Variants in ITGAM observed in about 807,000 individuals in gnomAD.
The protein encoded by ITGAM is integrin subunit alpha M.
In ITGAM, 79 loss-of-function variants were observed where a neutral mutation model predicts 137.5. That is an observed-to-expected ratio of 0.57 (90% CI 0.48 to 0.69). The LOEUF is 0.69. Among genes scored for constraint, ITGAM ranks in the 30% least tolerant of loss-of-function variants. The probability of loss-of-function intolerance (pLI) is 0.00; values close to 1 mark genes in which losing one functional copy is unlikely to be tolerated. For synonymous variants in ITGAM, 583 were observed against 592.3 expected (o/e 0.98, Z 0.23); for missense variants, 1,343 against 1,483.5 (o/e 0.91, Z 1.56).
chr16:31,260,277 C>A (rs1456460817), intron 1 of ITGAM, among the ~76,000 whole-genome samples, 185 bp downstream of exon 1: 1 of 152,118 alleles, frequency 6.6e-6, no homozygotes, highest in Non-Finnish European at 1.5e-5. Flanking sequence ...GCCAGGGAAG[C>A]CTGGATGAAT....
At chr16:31,262,866 A>G (rs1359132581) in intron 2 of ITGAM, among the ~76,000 whole-genome samples, 1 of 152,216 alleles carries the variant, frequency 6.6e-6, no homozygotes, top group African/African-American at 2.4e-5. Context: ...TTTATCTCCC[A>G]TAATACAGCC....
At chr16:31,261,206 T>C (rs2079695623) in intron 1 of ITGAM, among the ~76,000 whole-genome samples, 1 of 135,612 alleles carries the variant, frequency 7.4e-6, no homozygotes, top group Non-Finnish European at 1.5e-5. Flanking sequence ...ATCTTTTTTT[T>C]TTTTTTTTTT....
In ITGAM at chr16:31,329,884, C is replaced by G. The variant is rs962977622; in HGVS notation, c.2955C>G (p.Arg985=). ...VRLNQTVIWD[R]PQVTFSENLS... is the part of the protein sequence containing the mutation. ...TGAACCAGACTGTCATATGGGACCG[C>G]CCCCAGGTCACCTTCTCCGAGGTGA... Residue 985 remains arginine (R), a synonymous_variant, in exon 25 of 30, where the codon CGC becomes CGG. Coordinates refer to ENST00000544665, the MANE Select transcript of ITGAM (RefSeq NM_000632.4). The G allele has an allele frequency of 2.6e-6, 4 of 1,562,150 alleles. No individual in the cohort carries two copies. In the African/African-American group the frequency reaches 4.1e-5, roughly 16 times the overall value.
chr16:31,318,072 T>C (rs1350468159), intron 14 of ITGAM, among the ~76,000 whole-genome samples: 1 of 152,200 alleles, frequency 6.6e-6, no homozygotes, highest in Non-Finnish European at 1.5e-5. Flanking sequence ...AGGAGGTCTT[T>C]GATTACTGAT....
In ITGAM at chr16:31,330,358, T is replaced by G. The variant is rs189187788; in HGVS notation, c.3111T>G (p.Phe1037Leu). 6.2e-7 allele frequency: 1 copy of G among 1,614,062 alleles called. No homozygotes were observed. Among genetic ancestry groups the G allele is most frequent in the East Asian group, 2.2e-5 (1 of 44,890 alleles). ...CQRIQCDIPF[F>L]GIQEEFNATL... ...GAATCCAGTGTGACATCCCGTTCTT[T>G]GGCATCCAGGAAGAATTCAATGCTA... is the stretch of plus-strand genomic sequence containing the variant. Residue 1037 changes from phenylalanine (F) to leucine (L), a missense_variant, in exon 27 of 30, where the codon TTT (phenylalanine) becomes TTG (leucine). Physicochemically the swap from Phe to Leu is conservative, Grantham distance 22. Transcript: ENST00000544665.
At chr16:31,265,749 G>C in intron 3 of ITGAM, 62 bp from the exon 4 acceptor site, 2 of 1,463,630 alleles carry the variant, frequency 1.4e-6, no homozygotes, top group Non-Finnish European at 1.9e-6. Context: ...CCCCTGCCCA[G>C]CTCTTCCACA....
chr16:31,269,902 A>T (rs1250232719), intron 5 of ITGAM, among the ~76,000 whole-genome samples: 1 of 152,158 alleles, frequency 6.6e-6, no homozygotes, highest in Non-Finnish European at 1.5e-5. Context: ...TCATCTGCCA[A>T]ATCCAATGGG....
At chr16:31,282,242 G>C (rs1009176082) in intron 12 of ITGAM, among the ~76,000 whole-genome samples, 3 of 152,110 alleles carry the variant, frequency 2.0e-5, no homozygotes, top group Non-Finnish European at 4.4e-5. Context: ...GGTCCGCTTG[G>C]TGCAGAGCTG....
Position 31,324,806 on chromosome 16 carries a change from C to A in ITGAM, c.2289+24C>A. On this transcript the variant is annotated intron_variant, in intron 18 of 29. Coordinates refer to ENST00000544665, the MANE Select transcript of ITGAM (RefSeq NM_000632.4). The surrounding 1 kb of genome is among the most constrained non-coding windows in gnomAD (Gnocchi z 4.5). ...TGGTGAGTCCAGAGTTGGGGTCCTGCAGGGGTGTGGAAGAGACCAGAGACC... is the reference window on the plus strand; with the variant it reads ...TGGTGAGTCCAGAGTTGGGGTCCTGAAGGGGTGTGGAAGAGACCAGAGACC... 6.4e-7 allele frequency: 1 copy of A among 1,551,046 alleles called. No individual in the cohort carries two copies. Among genetic ancestry groups the A allele is most frequent in the South Asian group, 1.3e-5 (1 of 79,092 alleles).
At chr16:31,290,080 CAAA>C (rs780127045) in intron 12 of ITGAM, among the ~76,000 whole-genome samples, 19 of 56,112 alleles carry the variant, frequency 3.4e-4, no homozygotes, top group African/African-American at 8.3e-4. Flanking sequence ...AAACTCCATC[CAAA>C]AAAAAAAAAA....
At chr16:31,269,017 A>G (rs1296134671) in intron 5 of ITGAM, among the ~76,000 whole-genome samples, 2 of 152,190 alleles carry the variant, frequency 1.3e-5, no homozygotes, top group Non-Finnish European at 2.9e-5. Context: ...GAGTTTTATT[A>G]TCACTCGAAT....
chr16:31,321,125 G>A, intron 14 of ITGAM, 116 bp from the exon 15 acceptor site: 1 of 1,162,574 alleles, frequency 8.6e-7, no homozygotes, highest in African/African-American at 1.5e-5. Flanking sequence ...AGTTGCAAGA[G>A]ATGAGACTTG....
chr16:31,276,938 A>C lies in ITGAM; in HGVS notation c.1102A>C (p.Thr368Pro). The change falls in exon 11 of 30, where the codon ACT becomes CCT. Residue 368 changes from threonine to proline, a missense_variant. Transcript: ENST00000544665. ...TTCCCAGAATGGCCCCTTGCTGAGCACTGTGGGGAGCTATGACTGGGCTGG... is the reference window on the plus strand; with the variant it reads ...TTCCCAGAATGGCCCCTTGCTGAGCCCTGTGGGGAGCTATGACTGGGCTGG... Reference protein sequence around the residue: ...AITSNGPLLSTVGSYDWAGGV... With the variant: ...AITSNGPLLSPVGSYDWAGGV... 6.2e-7 allele frequency: 1 copy of C among 1,613,258 alleles called. No homozygotes were observed. Among genetic ancestry groups the C allele is most frequent in the Non-Finnish European group, 8.5e-7 (1 of 1,179,586 alleles).
At chr16:31,273,718 T>G in intron 8 of ITGAM, 200 bp downstream of exon 8, 1 of 503,004 alleles carries the variant, frequency 2.0e-6, no homozygotes, top group Non-Finnish European at 3.5e-6. Context: ...AAATAATAAG[T>G]AAGCCTGTGG....
intron 1 of ITGAM, among the ~76,000 whole-genome samples, chr16:31,260,729 C>T (rs1052639375): frequency 6.6e-6 from 1 of 152,172 alleles, no homozygotes; most frequent in Non-Finnish European, 1.5e-5. Flanking sequence ...CAGGACTGGA[C>T]GTGCCCCACG....
At chr16:31,298,668 C>T (rs1394971064) in intron 14 of ITGAM, among the ~76,000 whole-genome samples, 3 of 152,196 alleles carry the variant, frequency 2.0e-5, no homozygotes, top group South Asian at 2.1e-4. Flanking sequence ...GAAACCTATG[C>T]GGTTGGCCAC....
intron 28 of ITGAM, 53 bp from the exon 29 acceptor site, chr16:31,331,112 A>G (rs1274385366): frequency 9.8e-6 from 9 of 922,956 alleles, no homozygotes; most frequent in Non-Finnish European, 3.5e-6. Context: ...GTGAATGGGG[A>G]ACCCCCAGAA....
intron 12 of ITGAM, among the ~76,000 whole-genome samples, chr16:31,284,509 G>A (rs989858391): frequency 3.3e-5 from 5 of 152,138 alleles, no homozygotes; most frequent in East Asian, 1.9e-4. Context: ...CTCCATGGGC[G>A]TGGGACCCTC....
At chr16:31,277,118 G>A (rs1170592765) in intron 11 of ITGAM, 69 bp downstream of exon 11, 2 of 1,395,748 alleles carry the variant, frequency 1.4e-6, no homozygotes, top group Non-Finnish European at 2.0e-6. Context: ...TAGCATAGAT[G>A]TCTGGGTCTT....
Sources: gnomAD v4.1 joint callset for allele counts (sites outside exome capture counted in the v4.1 genomes callset) on GRCh38, gnomAD v4.1.1 for gene constraint, Gnocchi (gnomAD v3.1) non-coding constraint, MANE v1.5 for transcripts, NCBI Gene and HGNC (gene_info 2026-07-23, HGNC 2026-07-21) for gene names.